The following NHLRC3 variants were observed in gnomAD, a reference collection of about 807,000 sequenced individuals.
NHLRC3 encodes NHL repeat-containing protein 3.
NHLRC3 carries 23 observed loss-of-function variants against 32.0 expected under a neutral mutation model. That is an observed-to-expected ratio of 0.72 (90% CI 0.52 to 1.02). The LOEUF is 1.02. Among genes scored for constraint, NHLRC3 ranks in the 50% least tolerant of loss-of-function variants. The pLI is 0.00. For synonymous variants in NHLRC3, 159 were observed against 147.9 expected (o/e 1.08, Z -0.55); for missense variants, 407 against 406.8 (o/e 1.00, Z -0.01).
rs757815807 is a variant in NHLRC3 at position 39,048,389 on chromosome 13, G to A, written c.*463G>A. On this transcript the variant is annotated 3_prime_UTR_variant, in exon 7 of 7. Transcript: ENST00000379600. Reference sequence around the variant, plus strand: ...TACCCACAGAGTGCTGTGTCTTGACGACTTAAAAATGAAAAAGCAGGATTG... The same window carrying A: ...TACCCACAGAGTGCTGTGTCTTGACAACTTAAAAATGAAAAAGCAGGATTG... 6.5e-6 allele frequency: 1 copy of A among 152,992 alleles called. No homozygotes were observed. The highest frequency in any genetic ancestry group is 2.1e-4 in the South Asian group (1 of 4,878). 9.5% of individuals were successfully genotyped at this position (152,992 alleles called of 1,614,324 possible).
In NHLRC3 at chr13:39,044,229, T is replaced by TTGTGGGGG. The variant is rs397951843; in HGVS notation, c.678+52_678+53insGGGGTGTG. ...TCTGGGACTTTGTGTCTGAATATGTTTGTGTGTGTGTGTGTGTGTGTGTGT... is the reference window on the plus strand; with the variant it reads ...TCTGGGACTTTGTGTCTGAATATGTTTGTGGGGGTGTGTGTGTGTGTGTGTGTGTGTGT... On this transcript the variant is annotated intron_variant, in intron 5 of 6. Transcript: ENST00000379600. 9.0e-5 allele frequency: 77 copies of TTGTGGGGG among 859,216 alleles called. 1 individual carries two copies. The highest frequency in any genetic ancestry group is 4.3e-4 in the East Asian group (16 of 37,602). 53.2% of individuals were successfully genotyped at this position (859,216 alleles called of 1,614,324 possible).
Position 39,042,195 on chromosome 13 carries a change from A to G in NHLRC3, c.476A>G (p.Asn159Ser), listed in dbSNP as rs1431150202. 2 of 1,611,564 alleles carry G rather than the reference A, an allele frequency of 1.2e-6. No individual in the cohort carries two copies. Among genetic ancestry groups the G allele is most frequent in the Non-Finnish European group, 1.7e-6 (2 of 1,177,794 alleles). Residue 159 changes from asparagine to serine, a missense_variant, in exon 4 of 7, where the codon AAT becomes AGT. Transcript: ENST00000379600. Reference protein sequence around the residue: ...GTPGKKGTSLNPLQFDNPAEL... With the variant: ...GTPGKKGTSLSPLQFDNPAEL... ...CCAGGCAAAAAAGGCACTAGTTTGA[A>G]TCCTTTGCAGTTTGATAACCCAGCA... is the stretch of plus-strand genomic sequence containing the variant.
chr13:39,043,119 C>T (rs1871526036), intron 4 of NHLRC3, among the ~76,000 whole-genome samples: 1 of 152,146 alleles, frequency 6.6e-6, no homozygotes, highest in Non-Finnish European at 1.5e-5. Flanking sequence ...TGAGCTCTGT[C>T]ATTTGGAGGC....
At position 39,038,660 on chromosome 13, in the gene NHLRC3, C is replaced by G. The variant is rs767357347; in HGVS notation, c.21C>G (p.Cys7Trp). 6.2e-7 allele frequency: 1 copy of G among 1,614,194 alleles called. No homozygotes were observed. Among genetic ancestry groups the G allele is most frequent in the Non-Finnish European group, 8.5e-7 (1 of 1,180,020 alleles). The part of the protein sequence containing the change: MARFWV[C>W]VAGAGFFLAF... ...TGGTCATGGCGAGATTCTGGGTCTGCGTAGCCGGTGCTGGCTTCTTTCTTG... is the reference window on the plus strand; with the variant it reads ...TGGTCATGGCGAGATTCTGGGTCTGGGTAGCCGGTGCTGGCTTCTTTCTTG... The change falls in exon 1 of 7, where the codon TGC (cysteine) becomes TGG (tryptophan). Residue 7 changes from cysteine to tryptophan, a missense_variant. Coordinates refer to ENST00000379600, the MANE Select transcript of NHLRC3 (RefSeq NM_001012754.4).
In NHLRC3 at chr13:39,038,613, C is replaced by T. The variant is rs760953018; in HGVS notation, c.-27C>T. 13 of 1,603,956 alleles carry T rather than the reference C, an allele frequency of 8.1e-6. No homozygotes were observed. Among genetic ancestry groups the T allele is most frequent in the Admixed American group, 3.3e-5 (2 of 60,000 alleles). Reference sequence around the variant, plus strand: ...GTCCTCCCCCAGACACCTGCGGACCCTCCCTCTCCTGGCTTCCCGTCTGGT... The same window carrying T: ...GTCCTCCCCCAGACACCTGCGGACCTTCCCTCTCCTGGCTTCCCGTCTGGT... On this transcript the variant is annotated 5_prime_UTR_variant, in exon 1 of 7. Transcript: ENST00000379600.
chr13:39,041,863 G>T (rs906186596), intron 3 of NHLRC3: 2 of 434,576 alleles, frequency 4.6e-6, no homozygotes, highest in African/African-American at 4.0e-5. Context: ...CAATTATGGG[G>T]ATGTTATTTA....
Position 39,047,796 on chromosome 13 carries a change from C to T in NHLRC3, c.914C>T (p.Ala305Val), listed in dbSNP as rs41286951. Residue 305 changes from alanine (A) to valine (V), a missense_variant, in exon 7 of 7, where the codon GCA becomes GTA. Coordinates refer to ENST00000379600, the MANE Select transcript of NHLRC3 (RefSeq NM_001012754.4). Reference sequence around the variant, plus strand: ...TCTGTGATCAGCACAATCCAACTAGCAGATCAAGTTTTGCCACATCTCCTA... The same window carrying T: ...TCTGTGATCAGCACAATCCAACTAGTAGATCAAGTTTTGCCACATCTCCTA... ...ECSVISTIQL[A>V]DQVLPHLLEV... The T allele has an allele frequency of 3.4e-3, 5,558 of 1,614,096 alleles. 17 individuals carry two copies. The highest frequency in any genetic ancestry group is 4.3e-3 in the Non-Finnish European group (5,112 of 1,180,010).
chr13:39,040,020 CAAAAAA>C, intron 3 of NHLRC3: 1 of 105,562 alleles, frequency 9.5e-6, no homozygotes, highest in Non-Finnish European at 2.2e-5. Context: ...ACTAAAAATA[CAAAAAA>C]AAAAAAAAAA....
At chr13:39,044,325 G>T (rs1871585560) in intron 5 of NHLRC3, 144 bp downstream of exon 5, 1 of 656,390 alleles carries the variant, frequency 1.5e-6, no homozygotes, top group Non-Finnish European at 2.7e-6. Flanking sequence ...GTGGATACAT[G>T]TGTGTTAGTG....
In NHLRC3 at chr13:39,047,749, A is replaced by C. The variant is rs770710267; in HGVS notation, c.867A>C (p.Pro289=). The change falls in exon 7 of 7, where the codon CCA becomes CCC. Residue 289 remains proline (P), a synonymous_variant. Transcript: ENST00000379600. ...GGCTCTCAGTCGTAGCAGCACCCCC[A>C]GTGGGAAGCATTGGGGAGTGTTCTG... The part of the protein sequence containing the change: ...LSRLSVVAAP[P]VGSIGECSVI... 2 of 1,614,112 alleles carry C rather than the reference A, an allele frequency of 1.2e-6. No homozygotes were observed. The highest frequency in any genetic ancestry group is 1.1e-5 in the South Asian group (1 of 91,082).
At position 39,042,130 on chromosome 13, in the gene NHLRC3, A is replaced by G; in HGVS notation, c.411A>G (p.Lys137=). ...GSGFFGHTVK[K]YSSFGDLVQV... ...GATTCTTTGGTCATACTGTTAAAAA[A>G]TACAGTTCTTTTGGTGATCTTGTTC... The change falls in exon 4 of 7, where the codon AAA becomes AAG. Residue 137 remains lysine, a synonymous_variant. Coordinates refer to ENST00000379600, the MANE Select transcript of NHLRC3 (RefSeq NM_001012754.4). The G allele has an allele frequency of 6.2e-7, 1 of 1,606,946 alleles. No homozygotes were observed. The highest frequency in any genetic ancestry group is 1.1e-5 in the South Asian group (1 of 90,920).
At chr13:39,038,380 C>T (rs1201701992), upstream of NHLRC3, 3 of 529,046 alleles carry the variant, frequency 5.7e-6, no homozygotes, top group Non-Finnish European at 1.0e-5. Flanking sequence ...GTCACTGGGT[C>T]AGCCCGAAGC....
chr13:39,042,051 C>T, intron 3 of NHLRC3, 54 bp from the exon 4 acceptor site: 1 of 1,078,336 alleles, frequency 9.3e-7, no homozygotes, highest in Non-Finnish European at 1.4e-6. Context: ...CTTGAAAAAT[C>T]TGAATGTTTG....
In NHLRC3 at chr13:39,044,154, C is replaced by G. The variant is rs748359469; in HGVS notation, c.651C>G (p.His217Gln). ...GGCCTGCTAAGTTCAACATACCTCACAGTGTTACACTTGATTCAGCTGGTC... is the reference window on the plus strand; with the variant it reads ...GGCCTGCTAAGTTCAACATACCTCAGAGTGTTACACTTGATTCAGCTGGTC... ...GTGPAKFNIPHSVTLDSAGRV... is the reference protein window; with the variant it reads ...GTGPAKFNIPQSVTLDSAGRV... Residue 217 changes from histidine (H) to glutamine (Q), a missense_variant, in exon 5 of 7, where the codon CAC becomes CAG. By Grantham distance (24) the His-to-Gln change is conservative. Transcript: ENST00000379600. 3.2e-5 allele frequency: 51 copies of G among 1,612,850 alleles called. No individual in the cohort carries two copies. Among genetic ancestry groups the G allele is most frequent in the African/African-American group, 5.3e-5 (4 of 74,850 alleles).
At chr13:39,040,727 G>A (rs540587714) in intron 3 of NHLRC3, 18 of 152,250 alleles carry the variant, frequency 1.2e-4, no homozygotes, top group African/African-American at 4.3e-4. Flanking sequence ...TGAATTGAGA[G>A]ACATCCTGGT....
Position 39,043,570 on chromosome 13 carries a change from G to T in NHLRC3, c.587-520G>T, listed in dbSNP as rs188403335. Among the ~76,000 whole-genome samples the T allele has an allele frequency of 2.2e-3, 335 of 152,198 alleles. 1 individual carries two copies. Among genetic ancestry groups the T allele is most frequent in the African/African-American group, 7.8e-3 (323 of 41,546 alleles). ...GGATTTAGGGCCCACCCTAAATCCA[G>T]GATGATCTCATGAGATCCCTAATTT... On this transcript the variant is annotated intron_variant, in intron 4 of 6. Coordinates refer to ENST00000379600, the MANE Select transcript of NHLRC3 (RefSeq NM_001012754.4).
At chr13:39,039,078 C>CATTTTT in intron 1 of NHLRC3, 58 bp from the exon 2 acceptor site, 4 of 1,038,066 alleles carry the variant, frequency 3.9e-6, no homozygotes, top group East Asian at 2.6e-5. Context: ...CCCCCCCGCC[C>CATTTTT]TTTTTTTGTT....
upstream of NHLRC3, chr13:39,038,386 G>A (rs1374558830): frequency 1.8e-6 from 1 of 540,632 alleles, no homozygotes; most frequent in Non-Finnish European, 3.3e-6. Context: ...GGGTCAGCCC[G>A]AAGCACCTGA....
rs1380802073 is a variant in NHLRC3 at position 39,039,361 on chromosome 13, T to A, written c.237+73T>A. 3.1e-6 allele frequency: 4 copies of A among 1,271,220 alleles called. No homozygotes were observed. In the Admixed American group the frequency reaches 5.6e-5, roughly 18 times the overall value. The allele number at this position is 1,271,220 out of a possible 1,614,324, so 78.7% of individuals were successfully genotyped here. On this transcript the variant is annotated intron_variant, in intron 2 of 6. Coordinates refer to ENST00000379600, the MANE Select transcript of NHLRC3 (RefSeq NM_001012754.4). Reference sequence around the variant, plus strand: ...AGCCTTCCTGTCTTGCTGTAGTAACTGACCATATGCGTTTATATCATGCTA... The same window carrying A: ...AGCCTTCCTGTCTTGCTGTAGTAACAGACCATATGCGTTTATATCATGCTA...
Sources: gnomAD v4.1 joint callset for allele counts (sites outside exome capture counted in the v4.1 genomes callset) on GRCh38, gnomAD v4.1.1 for gene constraint, MANE v1.5 for transcripts, NCBI Gene and HGNC (gene_info 2026-07-23, HGNC 2026-07-21) for gene names.